ITGB4: variants seen among roughly 807,000 people sequenced by gnomAD.
The protein encoded by ITGB4 is integrin beta-4.
In ITGB4, 159 loss-of-function variants were observed where a neutral mutation model predicts 207.6. That is an observed-to-expected ratio of 0.77 (90% CI 0.67 to 0.87). The LOEUF is 0.87. Ranked by LOEUF, ITGB4 falls within the 40% of genes least tolerant of loss-of-function variation. The pLI, the probability that ITGB4 is intolerant of heterozygous loss-of-function variation, is 0.00. For missense variants in ITGB4, 2,278 were observed against 2,546.8 expected, an observed-to-expected ratio of 0.89 and a Z score of 2.27; for synonymous variants, 1,020 against 1,062.7, an observed-to-expected ratio of 0.96 and a Z score of 0.78.
rs1233543838 is a variant in ITGB4 at position 75,722,429 on chromosome 17, T to C, written c.-11+817T>C. Reference sequence around the variant, plus strand: ...GGACAAGGACCAGGCACAGGTGGCATGGTTGTTGCTGTCCGAAACAGAGCT... The same window carrying C: ...GGACAAGGACCAGGCACAGGTGGCACGGTTGTTGCTGTCCGAAACAGAGCT... On this transcript the variant is annotated intron_variant, in intron 1 of 39. Transcript: ENST00000200181. The surrounding 1 kb of genome is among the most constrained non-coding windows in gnomAD (Gnocchi z 6.2). 6.6e-6 allele frequency among the ~76,000 whole-genome samples: 1 copy of C among 151,994 alleles called. No homozygotes were observed. The highest frequency in any genetic ancestry group is 2.4e-5 in the African/African-American group (1 of 41,376).
rs1412593444 is a variant in ITGB4, at chr17:75,727,099, A to C, written c.80-96A>C. 1 of 918,938 alleles carries C rather than the reference A, an allele frequency of 1.1e-6. No homozygotes were observed. The highest frequency in any genetic ancestry group is 1.9e-5 in the Admixed American group (1 of 51,614). The allele number at this position is 918,938 out of a possible 1,614,324, so 56.9% of individuals were successfully genotyped here. A position where few individuals can be genotyped will look rare whatever the true frequency, so the allele number is the denominator to read the frequency against. On this transcript the variant is annotated intron_variant, in intron 2 of 39. Transcript: ENST00000200181. The surrounding 1 kb of genome is among the most constrained non-coding windows in gnomAD (Gnocchi z 6.0). ...AAATAAATAAATAAATAACATAAGG[A>C]GGGAATCCCCATCTCTCCAGGTGAA...
At chr17:75,735,947 TG>T in intron 13 of ITGB4, 103 bp from the exon 14 acceptor site, 1 of 1,057,902 alleles carries the variant, frequency 9.5e-7, no homozygotes, top group Non-Finnish European at 1.5e-6. Context: ...AGCGGCACCC[TG>T]GCTCCCACAG....
chr17:75,754,531 G>C (rs1164687249), intron 33 of ITGB4, 45 bp from the exon 34 acceptor site: 2 of 1,611,866 alleles, frequency 1.2e-6, no homozygotes, highest in Non-Finnish European at 1.7e-6. Flanking sequence ...ACGGGGCCCG[G>C]GTCTGGGGCA....
rs1448813235 is a variant in ITGB4, at chr17:75,730,586, C to T, written c.1002+82C>T. The T allele has an allele frequency of 1.5e-5, 17 of 1,163,234 alleles. No individual in the cohort carries two copies. The East Asian group carries it at 2.0e-4, about 14-fold the overall frequency. The allele number at this position is 1,163,234 out of a possible 1,614,324, so 72.1% of individuals were successfully genotyped here. A position where few individuals can be genotyped will look rare whatever the true frequency, so the allele number is the denominator to read the frequency against. Reference sequence around the variant, plus strand: ...TTCTCAGACACCTCTCCCTCCCTCCCTCCCTCCCTCCCTCCCTTCCTCCCT... The same window carrying T: ...TTCTCAGACACCTCTCCCTCCCTCCTTCCCTCCCTCCCTCCCTTCCTCCCT... On this transcript the variant is annotated intron_variant, in intron 8 of 39. Coordinates refer to ENST00000200181, the MANE Select transcript of ITGB4 (RefSeq NM_000213.5).
Position 75,732,683 on chromosome 17 carries a change from A to C in ITGB4, c.1454+444A>C, listed in dbSNP as rs77802590. On this transcript the variant is annotated intron_variant, in intron 12 of 39. Transcript: ENST00000200181. This position sits in a 1 kb window ranked among gnomAD's most constrained non-coding sequence, Gnocchi z 5.3. ...CAGAGCAGTGGGGAAAGGACACTGG[A>C]AGGGGTGACATGACAGGGCACTGGG... Among the ~76,000 whole-genome samples the C allele has an allele frequency of 3.2e-3, 492 of 152,242 alleles. 14 individuals carry two copies. The East Asian group carries it at 0.076, about 23-fold the overall frequency.
In ITGB4 at chr17:75,737,357, G is replaced by A. The variant is rs762830197; in HGVS notation, c.2026G>A (p.Glu676Lys). The A allele has an allele frequency of 1.4e-5, 23 of 1,589,912 alleles. No individual in the cohort carries two copies. Among genetic ancestry groups the A allele is most frequent in the South Asian group, 4.6e-5 (4 of 87,218 alleles). ...EVVVRCSFRD[E>K]DDDCTYSYTM... ...GGTGGTGCGCTGCTCCTTCCGGGAC[G>A]AGGATGACGACTGCACCTACAGCTA... is the stretch of plus-strand genomic sequence containing the variant. Residue 676 changes from glutamate (E) to lysine (K), a missense_variant, in exon 17 of 40, where the codon GAG becomes AAG. Transcript: ENST00000200181.
chr17:75,738,222 A>G (rs1475070281), intron 18 of ITGB4, among the ~76,000 whole-genome samples: 6 of 130,392 alleles, frequency 4.6e-5, no homozygotes, highest in Non-Finnish European at 9.6e-5. Context: ...GACCCACACC[A>G]ACCCCATCCA....
At chr17:75,748,593 C>T (rs1458311722) in intron 26 of ITGB4, among the ~76,000 whole-genome samples, 1 of 151,800 alleles carries the variant, frequency 6.6e-6, no homozygotes. Flanking sequence ...TCATTTGAAC[C>T]TGGAAGGTGG....
chr17:75,721,780 A>C (rs2060622179), intron 1 of ITGB4, among the ~76,000 whole-genome samples, 168 bp downstream of exon 1: 1 of 152,200 alleles, frequency 6.6e-6, no homozygotes. Context: ...GGCAGCTGGC[A>C]GCCAAGGGGC....
chr17:75,739,944 C>G lies in ITGB4; in HGVS notation c.2319C>G (p.His773Gln), dbSNP rs2061067821. The G allele has an allele frequency of 1.9e-6, 3 of 1,613,344 alleles. No homozygotes were observed. The highest frequency in any genetic ancestry group is 2.5e-6 in the Non-Finnish European group (3 of 1,180,026). ...GGGAGAACCTGATGGCCTCTGACCA[C>G]TTGGACACGCCCATGCTGCGCAGCG... ...MLRENLMASDHLDTPMLRSGN... is the reference protein window; with the variant it reads ...MLRENLMASDQLDTPMLRSGN... The change falls in exon 20 of 40, where the codon CAC becomes CAG. Residue 773 changes from histidine (H) to glutamine (Q), a missense_variant. Transcript: ENST00000200181. This position sits in a 1 kb window ranked among gnomAD's most constrained non-coding sequence, Gnocchi z 5.4.
chr17:75,755,877 G>A (rs570105077), intron 35 of ITGB4, 27 bp downstream of exon 35: 10 of 1,595,264 alleles, frequency 6.3e-6, no homozygotes, highest in South Asian at 2.2e-5. Context: ...GCCAGGCTGC[G>A]GGGTGCAGCC....
At chr17:75,736,491 G>T in intron 15 of ITGB4, 74 bp from the exon 16 acceptor site, 1 of 1,602,512 alleles carries the variant, frequency 6.2e-7, no homozygotes. Context: ...CCAAGGGCAA[G>T]AGGTTTGGGG....
Position 75,740,015 on chromosome 17 carries a change from A to G in ITGB4, c.2390A>G (p.Asn797Ser). ...RDVVRWKVTN[N>S]MQRPGFATHA... ...GTGGTCCGCTGGAAGGTCACCAACA[A>G]CATGCAGCGGCCTGGCTTTGCCACT... The change falls in exon 20 of 40, where the codon AAC (asparagine) becomes AGC (serine). Residue 797 changes from asparagine to serine, a missense_variant. Transcript: ENST00000200181. This position sits in a 1 kb window ranked among gnomAD's most constrained non-coding sequence, Gnocchi z 5.9. 6 of 1,613,136 alleles carry G rather than the reference A, an allele frequency of 3.7e-6. No homozygotes were observed. The highest frequency in any genetic ancestry group is 5.1e-6 in the Non-Finnish European group (6 of 1,180,012).
At position 75,739,886 on chromosome 17, in the gene ITGB4, T is replaced by C. The variant is rs2061066352; in HGVS notation, c.2261T>C (p.Met754Thr). The part of the protein sequence containing the change: ...ALLPCCNRGH[M>T]VGFKEDHYML... Reference sequence around the variant, plus strand: ...TGAGGACCCCATCCTGCAGGTCACATGGTGGGCTTTAAGGAAGACCACTAC... The same window carrying C: ...TGAGGACCCCATCCTGCAGGTCACACGGTGGGCTTTAAGGAAGACCACTAC... The change falls in exon 20 of 40, where the codon ATG becomes ACG. Residue 754 changes from methionine to threonine, a missense_variant. Physicochemically the swap from Met to Thr is moderately conservative, Grantham distance 81. Transcript: ENST00000200181. The surrounding 1 kb of genome is among the most constrained non-coding windows in gnomAD (Gnocchi z 5.4). 1 of 1,613,452 alleles carries C rather than the reference T, an allele frequency of 6.2e-7. No homozygotes were observed. Among genetic ancestry groups the C allele is most frequent in the African/African-American group, 1.3e-5 (1 of 74,930 alleles).
intron 35 of ITGB4, 121 bp downstream of exon 35, chr17:75,755,971 C>T (rs1350361890): frequency 2.4e-6 from 3 of 1,242,326 alleles, no homozygotes; most frequent in Middle Eastern, 2.6e-4. Context: ...GCTAAAGCCC[C>T]CATCCAGCCT....
At chr17:75,755,474 CT>C (rs1369718034) in intron 34 of ITGB4, among the ~76,000 whole-genome samples, 1 of 152,170 alleles carries the variant, frequency 6.6e-6, no homozygotes, top group Non-Finnish European at 1.5e-5. Context: ...GGCTGGCAGA[CT>C]CACGGGGCTC....
chr17:75,751,008 C>T lies in ITGB4; in HGVS notation c.3690C>T (p.Val1230=), dbSNP rs760103400. Residue 1230 remains valine, a synonymous_variant, in exon 30 of 40, where the codon GTC becomes GTT. Coordinates refer to ENST00000200181, the MANE Select transcript of ITGB4 (RefSeq NM_000213.5). The stretch of plus-strand genomic sequence containing the variant: ...AGCCAGGGCGTCTGGCCTTCAATGT[C>T]GTCTCCTCCACGGTGACCCAGCTGA... ...PSEPGRLAFN[V]VSSTVTQLSW... 8 of 1,613,694 alleles carry T rather than the reference C, an allele frequency of 5.0e-6. No individual in the cohort carries two copies. The highest frequency in any genetic ancestry group is 1.3e-5 in the African/African-American group (1 of 74,934).
At chr17:75,726,929 C>T (rs1422317606) in intron 2 of ITGB4, among the ~76,000 whole-genome samples, 4 of 151,966 alleles carry the variant, frequency 2.6e-5, no homozygotes, top group East Asian at 3.9e-4. Context: ...AAAAATTAGC[C>T]GGGCGTGGTG....
Position 75,740,921 on chromosome 17 carries a change from A to G in ITGB4, c.2610-61A>G. ...CGGGACTCCAGGAGCCGAAGCCCCC[A>G]GGCCGATCAGGCCTCCACTTCAGGG... On this transcript the variant is annotated intron_variant, in intron 22 of 39. Transcript: ENST00000200181. The surrounding 1 kb of genome is among the most constrained non-coding windows in gnomAD (Gnocchi z 5.9). 3.7e-6 allele frequency: 6 copies of G among 1,613,716 alleles called. No individual in the cohort carries two copies. The highest frequency in any genetic ancestry group is 2.2e-5 in the East Asian group (1 of 44,870).
Sources: allele counts gnomAD v4.1 joint callset (sites outside exome capture counted in the v4.1 genomes callset), GRCh38; gene constraint gnomAD v4.1.1; non-coding constraint Gnocchi (gnomAD v3.1); transcripts MANE v1.5; gene names NCBI Gene and HGNC (gene_info 2026-07-23, HGNC 2026-07-21).